The following PXK variants were observed in gnomAD, a reference collection of about 807,000 sequenced individuals.
PXK encodes the protein PX domain containing serine/threonine kinase like, also known as PX domain-containing protein kinase-like protein.
PXK carries 35 observed loss-of-function variants against 84.7 expected under a neutral mutation model. The observed-to-expected ratio is 0.41, with a 90% CI of 0.32 to 0.55. The LOEUF is 0.55. Among genes scored for constraint, PXK ranks in the 20% least tolerant of loss-of-function variants. The probability of loss-of-function intolerance (pLI) is 0.21; values close to 1 mark genes in which losing one functional copy is unlikely to be tolerated. For synonymous variants in PXK, 253 were observed against 260.8 expected, an observed-to-expected ratio of 0.97 and a Z score of 0.29; for missense variants, 634 against 699.7, an observed-to-expected ratio of 0.91 and a Z score of 1.06.
At chr3:58,353,530 C>T (rs1321246279) in intron 1 of PXK, among the ~76,000 whole-genome samples, 1 of 152,138 alleles carries the variant, frequency 6.6e-6, no homozygotes, top group Non-Finnish European at 1.5e-5. Context: ...GATGAAACGA[C>T]AGTAAATAAT....
chr3:58,422,948 C>G (rs2062151651), intron 17 of PXK: 2 of 985,438 alleles, frequency 2.0e-6, no homozygotes, highest in East Asian at 1.1e-4. Flanking sequence ...TTCTGTTACA[C>G]TACGTGGCCC....
chr3:58,425,086 A>G lies in PXK; in HGVS notation c.*126A>G. 1 of 1,366,058 alleles carries G rather than the reference A, an allele frequency of 7.3e-7. No homozygotes were observed. The highest frequency in any genetic ancestry group is 9.8e-7 in the Non-Finnish European group (1 of 1,015,716). 84.6% of individuals were successfully genotyped at this position (1,366,058 alleles called of 1,614,324 possible). On this transcript the variant is annotated 3_prime_UTR_variant, in exon 18 of 18. Transcript: ENST00000356151. ...ACAGCCACAAACAGTACTATTTTGC[A>G]GATGCTCATGTAAGCAGCTTTTCGA...
chr3:58,338,766 A>G (rs1488646291), intron 1 of PXK, among the ~76,000 whole-genome samples: 5 of 149,414 alleles, frequency 3.3e-5, no homozygotes, highest in Non-Finnish European at 5.9e-5. Flanking sequence ...GCTCACCGCA[A>G]CCTCTGCCTC....
intron 1 of PXK, among the ~76,000 whole-genome samples, chr3:58,352,319 A>G (rs1166213260): frequency 2.0e-5 from 3 of 152,224 alleles, no homozygotes; most frequent in Admixed American, 2.0e-4. Flanking sequence ...GGTCAGTGCC[A>G]GTGAAGGGCG....
At chr3:58,334,402 A>C (rs946923661) in intron 1 of PXK, among the ~76,000 whole-genome samples, 7 of 152,206 alleles carry the variant, frequency 4.6e-5, no homozygotes, top group South Asian at 2.1e-4. Context: ...TTTGTGCCTA[A>C]AGGGAGTATG....
At chr3:58,359,279 C>T (rs902181133) in intron 1 of PXK, among the ~76,000 whole-genome samples, 1 of 152,104 alleles carries the variant, frequency 6.6e-6, no homozygotes, top group African/African-American at 2.4e-5. Flanking sequence ...CGCCTGGAAT[C>T]CCAGCACTTT....
intron 1 of PXK, 23 bp from the exon 2 acceptor site, chr3:58,365,851 T>C: frequency 6.6e-7 from 1 of 1,519,940 alleles, no homozygotes. Context: ...TAACTGAGGT[T>C]ATTCTTCCCT....
chr3:58,375,011 G>A (rs2098425879), intron 3 of PXK, among the ~76,000 whole-genome samples: 1 of 150,792 alleles, frequency 6.6e-6, no homozygotes, highest in Non-Finnish European at 1.5e-5. Context: ...TGAAAGAACT[G>A]ATGGGATGTC....
At chr3:58,424,654 T>C in intron 17 of PXK, 98 bp from the exon 18 acceptor site, 1 of 1,471,560 alleles carries the variant, frequency 6.8e-7, no homozygotes, top group East Asian at 2.5e-5. Flanking sequence ...GAAAAACATG[T>C]GGACTCTCAC....
At chr3:58,375,140 A>C (rs1266056048) in intron 3 of PXK, among the ~76,000 whole-genome samples, 1 of 152,206 alleles carries the variant, frequency 6.6e-6, no homozygotes, top group Non-Finnish European at 1.5e-5. Context: ...ACATCCCCAC[A>C]ATGAAAGAAA....
At chr3:58,371,959 G>A (rs1207034351) in intron 3 of PXK, among the ~76,000 whole-genome samples, 7 of 152,120 alleles carry the variant, frequency 4.6e-5, no homozygotes. Context: ...GAATAAAACT[G>A]TGACCATGAT....
chr3:58,394,297 AT>A (rs1275399733), intron 7 of PXK, among the ~76,000 whole-genome samples: 1 of 152,228 alleles, frequency 6.6e-6, no homozygotes, highest in African/African-American at 2.4e-5. Context: ...CGTAACCAGA[AT>A]TCCAGGGAAA....
chr3:58,336,071 A>ATATATATATATATTT (rs1284780630), intron 1 of PXK, among the ~76,000 whole-genome samples: 9 of 51,576 alleles, frequency 1.7e-4, no homozygotes, highest in South Asian at 6.3e-4. Flanking sequence ...ATATATATAT[A>ATATATATATATATTT]TTTTTTTTTT....
intron 17 of PXK, chr3:58,422,437 ATCCTGCTGCCTG>A: frequency 6.1e-6 from 6 of 985,326 alleles, no homozygotes; most frequent in Non-Finnish European, 7.2e-6. Flanking sequence ...CATCAGGGAG[ATCCTGCTGCCTG>A]TCCTTTCGTT....
intron 17 of PXK, among the ~76,000 whole-genome samples, chr3:58,419,441 CAG>C (rs1160283965): frequency 6.6e-6 from 1 of 152,168 alleles, no homozygotes; most frequent in Non-Finnish European, 1.5e-5. Flanking sequence ...TTAGTAGACA[CAG>C]GGTTTCGCCA....
intron 1 of PXK, among the ~76,000 whole-genome samples, chr3:58,344,777 G>A (rs1030778484): frequency 5.9e-5 from 9 of 152,178 alleles, no homozygotes; most frequent in South Asian, 2.1e-4. Context: ...GCAGTGAGTC[G>A]AGATTGCACC....
Position 58,409,336 on chromosome 3 carries a change from G to T in PXK, c.1309-196G>T, listed in dbSNP as rs1457062202. 2.0e-5 allele frequency among the ~76,000 whole-genome samples: 3 copies of T among 152,158 alleles called. No individual in the cohort carries two copies. Among genetic ancestry groups the T allele is most frequent in the Admixed American group, 1.3e-4 (2 of 15,270 alleles). ...GAGGGAAAGGCAGGAAGGCATTAGG[G>T]GCATGAGAAAGGACCTCTTCCTTTG... On this transcript the variant is annotated intron_variant, in intron 14 of 17. Transcript: ENST00000356151. This position sits in a 1 kb window ranked among gnomAD's most constrained non-coding sequence, Gnocchi z 4.2.
chr3:58,409,412 G>A lies in PXK; in HGVS notation c.1309-120G>A. ...ACCCGAGCCAGGAAGTAGACAGCCTGAGCAAGGAAAGATTTTCTTTTATCC... is the reference window on the plus strand; with the variant it reads ...ACCCGAGCCAGGAAGTAGACAGCCTAAGCAAGGAAAGATTTTCTTTTATCC... On this transcript the variant is annotated intron_variant, in intron 14 of 17. Transcript: ENST00000356151. The surrounding 1 kb of genome is among the most constrained non-coding windows in gnomAD (Gnocchi z 4.2). The A allele has an allele frequency of 2.1e-6, 2 of 936,510 alleles. No homozygotes were observed. The allele number at this position is 936,510 out of a possible 1,614,324, so 58.0% of individuals were successfully genotyped here.
In PXK at chr3:58,400,564, A is replaced by G. The variant is rs959923569; in HGVS notation, c.1181+1187A>G. Among the ~76,000 whole-genome samples the G allele has an allele frequency of 2.6e-5, 4 of 152,174 alleles. No homozygotes were observed. Among genetic ancestry groups the G allele is most frequent in the South Asian group, 4.1e-4 (2 of 4,834 alleles). On this transcript the variant is annotated intron_variant, in intron 12 of 17. Transcript: ENST00000356151. The surrounding 1 kb of genome is among the most constrained non-coding windows in gnomAD (Gnocchi z 4.0). ...CCCTGCCCCGTGGATGTGACATTCT[A>G]CTGTTCCACAGACACTGAAGCGTCT...
Sources: allele counts gnomAD v4.1 joint callset (sites outside exome capture counted in the v4.1 genomes callset), GRCh38; gene constraint gnomAD v4.1.1; non-coding constraint Gnocchi (gnomAD v3.1); transcripts MANE v1.5; gene names NCBI Gene and HGNC (gene_info 2026-07-23, HGNC 2026-07-21).